PHLPP1: variants seen among roughly 807,000 people sequenced by gnomAD.
PHLPP1 encodes PH domain and leucine rich repeat protein phosphatase 1, also known as PH domain leucine-rich repeat-containing protein phosphatase 1.
In PHLPP1, 42 loss-of-function variants were observed where a neutral mutation model predicts 117.2. That is an observed-to-expected ratio of 0.36 (90% CI 0.28 to 0.46). The LOEUF (loss-of-function observed/expected upper bound fraction) is 0.46, where lower values mean the gene tolerates loss of function less well. Ranked by LOEUF, PHLPP1 falls within the 20% of genes least tolerant of loss-of-function variation. PHLPP1 has a pLI of 1.00. For synonymous variants in PHLPP1, 1,042 were observed against 970.7 expected (o/e 1.07, Z -1.37); for missense variants, 2,084 against 2,241.9 (o/e 0.93, Z 1.42).
chr18:62,905,049 AAAAGTT>A (rs1224916512), intron 7 of PHLPP1, among the ~76,000 whole-genome samples, 169 bp from the exon 8 acceptor site: 1 of 152,268 alleles, frequency 6.6e-6, no homozygotes, highest in Non-Finnish European at 1.5e-5. Context: ...TCTTGTGATT[AAAAGTT>A]CTTTTTTACT....
At chr18:62,768,124 A>G (rs539935341) in intron 1 of PHLPP1, among the ~76,000 whole-genome samples, 2 of 152,246 alleles carry the variant, frequency 1.3e-5, no homozygotes, top group Non-Finnish European at 2.9e-5. Context: ...AATTTAATTT[A>G]TATCTTAGAA....
chr18:62,970,147 A>G (rs1170771983), intron 14 of PHLPP1, among the ~76,000 whole-genome samples: 6 of 152,038 alleles, frequency 3.9e-5, no homozygotes, highest in African/African-American at 1.4e-4. Flanking sequence ...TTTAGAGTTT[A>G]TAGTGTGATA....
intron 4 of PHLPP1, among the ~76,000 whole-genome samples, chr18:62,894,260 A>G (rs1473018258): frequency 6.6e-6 from 1 of 152,252 alleles, no homozygotes; most frequent in Non-Finnish European, 1.5e-5. Flanking sequence ...CAGGAGTGCA[A>G]TCTCAGCTCA....
At chr18:62,855,242 G>A (rs748938891) in intron 3 of PHLPP1, among the ~76,000 whole-genome samples, 5 of 152,200 alleles carry the variant, frequency 3.3e-5, no homozygotes, top group Non-Finnish European at 5.9e-5. Flanking sequence ...GCTCTGAGGT[G>A]TGCACATGTG....
rs59776161 is a variant in PHLPP1, at chr18:62,772,830, C to CAAAAAAAAAAAAAAAA, written c.1576+55575_1576+55590dup. On this transcript the variant is annotated intron_variant, in intron 1 of 16. Coordinates refer to ENST00000262719, the MANE Select transcript of PHLPP1 (RefSeq NM_194449.4). ...TGGGCTACTAAGCAAGACTCTTTCTCAAAAAAAAAAAAAAAAAAAGATTTT... is the reference window on the plus strand; with the variant it reads ...TGGGCTACTAAGCAAGACTCTTTCTCAAAAAAAAAAAAAAAAAAAAAAAAAAAAAAAAAAAGATTTT... Among the ~76,000 whole-genome samples, 115 of 60,976 alleles carry CAAAAAAAAAAAAAAAA rather than the reference C, an allele frequency of 1.9e-3. 5 individuals are homozygous for CAAAAAAAAAAAAAAAA. The highest frequency in any genetic ancestry group is 8.0e-3 in the African/African-American group (110 of 13,740). 40.0% of individuals were successfully genotyped at this position (60,976 alleles called of 152,430 possible). A position where few individuals can be genotyped will look rare whatever the true frequency, so the allele number is the denominator to read the frequency against.
intron 1 of PHLPP1, among the ~76,000 whole-genome samples, chr18:62,777,674 C>A (rs1437314538): frequency 6.6e-6 from 1 of 151,956 alleles, no homozygotes; most frequent in Non-Finnish European, 1.5e-5. Flanking sequence ...GTCTGTGATC[C>A]ATTTTTGACT....
intron 8 of PHLPP1, among the ~76,000 whole-genome samples, chr18:62,907,324 G>A (rs1916876374): frequency 2.4e-5 from 1 of 41,784 alleles, no homozygotes; most frequent in African/African-American, 7.0e-5. Context: ...TTGACGAGCT[G>A]AGAGAAGAAG....
Position 62,766,102 on chromosome 18 carries a change from T to TATATATATATATATATATATAA in PHLPP1, c.1576+48844_1576+48845insTATATATATATATATATATAAA, listed in dbSNP as rs1491446982. Among the ~76,000 whole-genome samples the TATATATATATATATATATATAA allele has an allele frequency of 1.0e-3, 62 of 60,630 alleles. 1 individual carries two copies. Among genetic ancestry groups the TATATATATATATATATATATAA allele is most frequent in the Non-Finnish European group, 1.3e-3 (36 of 28,616 alleles). 39.8% of individuals were successfully genotyped at this position (60,630 alleles called of 152,430 possible). A position where few individuals can be genotyped will look rare whatever the true frequency, so the allele number is the denominator to read the frequency against. ...ATATATATATATATATATATATATA[T>TATATATATATATATATATATAA]AAAATATATATATATTTGTACAGAA... is the stretch of plus-strand genomic sequence containing the variant. On this transcript the variant is annotated intron_variant, in intron 1 of 16. Coordinates refer to ENST00000262719, the MANE Select transcript of PHLPP1 (RefSeq NM_194449.4).
chr18:62,748,552 C>T (rs935152506), intron 1 of PHLPP1, among the ~76,000 whole-genome samples: 6 of 152,058 alleles, frequency 3.9e-5, no homozygotes, highest in East Asian at 1.9e-4. Flanking sequence ...CGCCCAAATT[C>T]GGAATAGTTA....
rs540552867 is a variant in PHLPP1 at position 62,760,270 on chromosome 18, G to A, written c.1576+43011G>A. On this transcript the variant is annotated intron_variant, in intron 1 of 16. Coordinates refer to ENST00000262719, the MANE Select transcript of PHLPP1 (RefSeq NM_194449.4). ...ATGAAGTGAAGCAGCAGCTGCCTCC[G>A]TAGATGATACATACACATGGTCTCC... 5.3e-5 allele frequency among the ~76,000 whole-genome samples: 8 copies of A among 151,214 alleles called. No homozygotes were observed. In the South Asian group the frequency reaches 1.3e-3, roughly 24 times the overall value.
chr18:62,868,621 C>CA (rs35943627), intron 4 of PHLPP1, among the ~76,000 whole-genome samples: 2,951 of 66,902 alleles, frequency 0.044, 45 homozygotes, highest in Middle Eastern at 0.058. Context: ...GACTCTGTCT[C>CA]AAAAAAAAAA....
chr18:62,919,929 T>G, intron 9 of PHLPP1, 30 bp from the exon 10 acceptor site: 1 of 1,528,174 alleles, frequency 6.5e-7, no homozygotes, highest in Non-Finnish European at 8.9e-7. Flanking sequence ...CTCTTTTTCA[T>G]TTTTTGGTCT....
At chr18:62,828,008 TTGTGTGTGTG>T (rs34088259) in intron 1 of PHLPP1, among the ~76,000 whole-genome samples, 7 of 146,668 alleles carry the variant, frequency 4.8e-5, no homozygotes, top group Non-Finnish European at 9.0e-5. Context: ...TTCTTTGCAT[TTGTGTGTGTG>T]TGTGTGTGTG....
At chr18:62,853,829 CT>C (rs1397664743) in intron 3 of PHLPP1, among the ~76,000 whole-genome samples, 1 of 152,132 alleles carries the variant, frequency 6.6e-6, no homozygotes, top group African/African-American at 2.4e-5. Flanking sequence ...ACATCGTAGT[CT>C]TTTTTGTTTT....
intron 1 of PHLPP1, among the ~76,000 whole-genome samples, chr18:62,817,559 A>C (rs755817063): frequency 2.0e-5 from 3 of 152,146 alleles, no homozygotes; most frequent in Non-Finnish European, 2.9e-5. Flanking sequence ...ACCAACGATG[A>C]AACATACAGA....
chr18:62,721,035 A>T (rs1489412396), intron 1 of PHLPP1, among the ~76,000 whole-genome samples: 1 of 152,148 alleles, frequency 6.6e-6, no homozygotes, highest in African/African-American at 2.4e-5. Context: ...ACTTTCCATG[A>T]ATCGATGCTA....
intron 4 of PHLPP1, among the ~76,000 whole-genome samples, chr18:62,881,529 A>G (rs1480866246): frequency 6.6e-6 from 1 of 152,094 alleles, no homozygotes; most frequent in Non-Finnish European, 1.5e-5. Flanking sequence ...TTTGTTTTCT[A>G]GTTATATGAA....
chr18:62,777,763 C>G (rs193055239), intron 1 of PHLPP1, among the ~76,000 whole-genome samples: 1 of 152,270 alleles, frequency 6.6e-6, no homozygotes, highest in African/African-American at 2.4e-5. Flanking sequence ...TCCCCTTCCC[C>G]CAACCAGTAA....
At chr18:62,760,610 G>A (rs186322686) in intron 1 of PHLPP1, among the ~76,000 whole-genome samples, 1 of 152,320 alleles carries the variant, frequency 6.6e-6, no homozygotes, top group Admixed American at 6.5e-5. Flanking sequence ...ACCCCCTGGA[G>A]TGGTTGTGGT....
Sources: gnomAD v4.1 joint callset for allele counts (sites outside exome capture counted in the v4.1 genomes callset) on GRCh38, gnomAD v4.1.1 for gene constraint, MANE v1.5 for transcripts, NCBI Gene and HGNC (gene_info 2026-07-23, HGNC 2026-07-21) for gene names.